SAMD12: variants seen among roughly 807,000 people sequenced by gnomAD.
The protein encoded by SAMD12 is sterile alpha motif domain-containing protein 12.
In SAMD12, 9 loss-of-function variants were observed where a neutral mutation model predicts 15.0. That is an observed-to-expected ratio of 0.60 (90% CI 0.36 to 1.05). The LOEUF (loss-of-function observed/expected upper bound fraction) is 1.05. Among genes scored for constraint, SAMD12 ranks in the 50% least tolerant of loss-of-function variants. The pLI is 0.01. For missense variants in SAMD12, 230 were observed against 234.2 expected (o/e 0.98, Z 0.12); for synonymous variants, 86 against 90.1 (o/e 0.96, Z 0.25).
intron 2 of SAMD12, among the ~76,000 whole-genome samples, chr8:118,445,592 G>C (rs1822889905): frequency 6.6e-6 from 1 of 152,152 alleles, no homozygotes; most frequent in South Asian, 2.1e-4. Context: ...GTGCATTTGT[G>C]TTTAACTGAA....
At chr8:118,396,447 C>A (rs1820573900) in intron 3 of SAMD12, among the ~76,000 whole-genome samples, 1 of 152,160 alleles carries the variant, frequency 6.6e-6, no homozygotes, top group Non-Finnish European at 1.5e-5. Context: ...CATGCCTGTT[C>A]TTCCTTCTAA....
At chr8:118,376,337 C>T (rs756090810), downstream of SAMD12, among the ~76,000 whole-genome samples, 4 of 152,042 alleles carry the variant, frequency 2.6e-5, no homozygotes, top group Non-Finnish European at 5.9e-5. Context: ...TGGTATTGGA[C>T]GGTGGGGCCC....
chr8:118,323,904 A>C (rs1816434952), intron 4 of SAMD12, among the ~76,000 whole-genome samples: 1 of 152,226 alleles, frequency 6.6e-6, no homozygotes, highest in South Asian at 2.1e-4. Context: ...ACTTGGACTC[A>C]TATGAGTAAA....
chr8:118,152,778 C>T, the SAMD12 span, among the ~76,000 whole-genome samples: 3 of 152,230 alleles, frequency 2.0e-5, no homozygotes, highest in South Asian at 4.1e-4. Flanking sequence ...GGATTACAAG[C>T]GTGAGCCACT....
chr8:118,157,074 A>C, the SAMD12 span, among the ~76,000 whole-genome samples: 1 of 152,218 alleles, frequency 6.6e-6, no homozygotes, highest in East Asian at 1.9e-4. Flanking sequence ...ATAGAGTTGG[A>C]GTCACTAAAG....
chr8:118,292,858 A>C (rs1347748355), intron 4 of SAMD12, among the ~76,000 whole-genome samples: 1 of 139,994 alleles, frequency 7.1e-6, no homozygotes, highest in Non-Finnish European at 1.5e-5. Context: ...CAATGAGATC[A>C]CATGGACACA....
At chr8:118,245,454 C>T (rs902734044) in intron 4 of SAMD12, among the ~76,000 whole-genome samples, 4 of 152,206 alleles carry the variant, frequency 2.6e-5, no homozygotes, top group Admixed American at 1.3e-4. Context: ...CCACGTTACA[C>T]GGTTCATTTT....
chr8:118,597,079 A>G (rs1256293579), intron 1 of SAMD12, among the ~76,000 whole-genome samples: 1 of 152,156 alleles, frequency 6.6e-6, no homozygotes, highest in Non-Finnish European at 1.5e-5. Flanking sequence ...CTCAGCATGC[A>G]TGGGGCACAG....
chr8:118,452,301 C>A (rs920788402), intron 2 of SAMD12, among the ~76,000 whole-genome samples: 8 of 152,158 alleles, frequency 5.3e-5, no homozygotes, highest in Non-Finnish European at 1.2e-4. Context: ...ATGGACTGTT[C>A]AATTCAGACA....
At chr8:118,551,243 A>G (rs1294660695) in intron 2 of SAMD12, among the ~76,000 whole-genome samples, 3 of 152,028 alleles carry the variant, frequency 2.0e-5, no homozygotes, top group Non-Finnish European at 2.9e-5. Context: ...GCACCACACC[A>G]CACCTATTCC....
intron 4 of SAMD12, among the ~76,000 whole-genome samples, chr8:118,340,902 G>A (rs577626644): frequency 6.6e-6 from 1 of 152,296 alleles, no homozygotes; most frequent in African/African-American, 2.4e-5. Flanking sequence ...GAAGGAATGG[G>A]GATCAGAACA....
At chr8:118,474,087 T>A (rs1823888168) in intron 2 of SAMD12, among the ~76,000 whole-genome samples, 1 of 152,142 alleles carries the variant, frequency 6.6e-6, no homozygotes, top group Non-Finnish European at 1.5e-5. Flanking sequence ...GTCTCCTGAG[T>A]AGCTGGGATT....
chr8:118,390,153 C>T (rs985620881), intron 3 of SAMD12, among the ~76,000 whole-genome samples: 13 of 151,404 alleles, frequency 8.6e-5, no homozygotes, highest in African/African-American at 2.7e-4. Context: ...AAAATAGGTG[C>T]CCGCCACCAT....
At position 118,519,260 on chromosome 8, in the gene SAMD12, T is replaced by A. The variant is rs139137455; in HGVS notation, c.192+61455A>T. On this transcript the variant is annotated intron_variant, in intron 2 of 3. Coordinates refer to ENST00000314727, the MANE Select transcript of SAMD12 (RefSeq NM_207506.3). ...ATTTCTGCCCTCCCACCTAGGGGGA[T>A]CTCTTCCAGCTACATTCAACACATA... 7.0e-3 allele frequency among the ~76,000 whole-genome samples: 1,067 copies of A among 152,290 alleles called. 13 individuals are homozygous for A. The highest frequency in any genetic ancestry group is 9.4e-3 in the Non-Finnish European group (636 of 68,012).
At chr8:118,584,523 C>T (rs1391564889) in intron 1 of SAMD12, among the ~76,000 whole-genome samples, 7 of 152,174 alleles carry the variant, frequency 4.6e-5, no homozygotes, top group African/African-American at 7.2e-5. Context: ...CTGTGCCTGA[C>T]GGATTCCTAG....
At chr8:118,621,026 C>G (rs1202747593) in intron 1 of SAMD12, 7 of 152,098 alleles carry the variant, frequency 4.6e-5, no homozygotes, top group Admixed American at 4.6e-4. Flanking sequence ...GTAAGATAAC[C>G]TGAAATGAAA....
At chr8:118,486,145 T>TGGC (rs1824271404) in intron 2 of SAMD12, among the ~76,000 whole-genome samples, 1 of 152,160 alleles carries the variant, frequency 6.6e-6, no homozygotes, top group Non-Finnish European at 1.5e-5. Context: ...CTGGGGGTGG[T>TGGC]GGCTCACACC....
At chr8:118,486,753 T>C (rs73317305) in intron 2 of SAMD12, among the ~76,000 whole-genome samples, 5,186 of 152,222 alleles carry the variant, frequency 0.034, 299 homozygotes, top group African/African-American at 0.12. Flanking sequence ...CAGTATTGAC[T>C]AAGGTACAGG....
intron 2 of SAMD12, among the ~76,000 whole-genome samples, chr8:118,475,545 T>G (rs1823935203): frequency 6.6e-6 from 1 of 152,188 alleles, no homozygotes; most frequent in African/African-American, 2.4e-5. Context: ...TGAGGCATAG[T>G]ATGCTTAAGA....
Sources: allele counts gnomAD v4.1 joint callset (sites outside exome capture counted in the v4.1 genomes callset), GRCh38; gene constraint gnomAD v4.1.1; transcripts MANE v1.5; gene names NCBI Gene and HGNC (gene_info 2026-07-23, HGNC 2026-07-21).